SLC45A4: variants seen among roughly 807,000 people sequenced by gnomAD.
SLC45A4 encodes polyamine-transporter SLC45A4.
A neutral mutation model predicts 63.7 loss-of-function variants in SLC45A4; 32 were observed. The observed-to-expected ratio is 0.50, with a 90% CI of 0.38 to 0.67. The LOEUF is 0.67. Among genes scored for constraint, SLC45A4 ranks in the 30% least tolerant of loss-of-function variants. The pLI, the probability that SLC45A4 is intolerant of heterozygous loss-of-function variation, is 0.00. For missense variants in SLC45A4, 1,027 were observed against 1,157.7 expected, an observed-to-expected ratio of 0.89 and a Z score of 1.64; for synonymous variants, 535 against 510.0, an observed-to-expected ratio of 1.05 and a Z score of -0.66.
At position 141,218,329 on chromosome 8, in the gene SLC45A4, G is replaced by A; in HGVS notation, c.1311C>T (p.Cys437=). Residue 437 remains cysteine (C), a synonymous_variant, in exon 5 of 9, where the codon TGC becomes TGT. Coordinates refer to ENST00000517878, the MANE Select transcript of SLC45A4 (RefSeq NM_001286646.2). The stretch of plus-strand genomic sequence containing the variant: ...CGGCGTTGGCGCGCCGGTAGCGGTA[G>A]CAGTGGGACCCAAGCTTGCCGTAGT... ...FSYYGKLGSH[C]YRYRRANAVV... 1 of 1,607,896 alleles carries A rather than the reference G, an allele frequency of 6.2e-7. No individual in the cohort carries two copies.
Position 141,256,510 on chromosome 8 carries a change from G to A in SLC45A4, c.-400-1881C>T. 2.2e-6 allele frequency: 1 copy of A among 456,202 alleles called. No individual in the cohort carries two copies. Among genetic ancestry groups the A allele is most frequent in the South Asian group, 1.5e-5 (1 of 64,568 alleles). The allele number at this position is 456,202 out of a possible 1,614,324, so 28.3% of individuals were successfully genotyped here. A position where few individuals can be genotyped will look rare whatever the true frequency, so the allele number is the denominator to read the frequency against. ...CTCACACAGCCCTGATGGAGAAGGT[G>A]GGTCCCTGGCACGTGGGCCCCAGGA... On this transcript the variant is annotated intron_variant, in intron 1 of 8. Coordinates refer to ENST00000517878, the MANE Select transcript of SLC45A4 (RefSeq NM_001286646.2). This position sits in a 1 kb window ranked among gnomAD's most constrained non-coding sequence, Gnocchi z 4.3.
Position 141,243,906 on chromosome 8 carries a change from A to G in SLC45A4, c.241+10083T>C, listed in dbSNP as rs141833089. Among the ~76,000 whole-genome samples, 11 of 152,308 alleles carry G rather than the reference A, an allele frequency of 7.2e-5. No homozygotes were observed. The East Asian group carries it at 1.9e-3, about 27-fold the overall frequency. ...ACTTTACTATAAACATATAATACATATAATATAGAAGGTATGTGTCAACTG... is the reference window on the plus strand; with the variant it reads ...ACTTTACTATAAACATATAATACATGTAATATAGAAGGTATGTGTCAACTG... On this transcript the variant is annotated intron_variant, in intron 2 of 8. Transcript: ENST00000517878.
intron 1 of SLC45A4, among the ~76,000 whole-genome samples, chr8:141,262,902 G>A (rs1829096759): frequency 6.6e-6 from 1 of 151,146 alleles, no homozygotes; most frequent in African/African-American, 2.4e-5. Flanking sequence ...CTGCTATAAA[G>A]ACACATGCAC....
At chr8:141,276,183 T>C (rs1345929742) in intron 1 of SLC45A4, among the ~76,000 whole-genome samples, 2 of 152,304 alleles carry the variant, frequency 1.3e-5, no homozygotes, top group African/African-American at 4.8e-5. Flanking sequence ...ATTACAAGTG[T>C]GAGCCACCTT....
chr8:141,257,093 C>T lies in SLC45A4; in HGVS notation c.-400-2464G>A, dbSNP rs6983642. Among the ~76,000 whole-genome samples the T allele has an allele frequency of 3.5e-3, 531 of 152,290 alleles. 7 individuals are homozygous for T. Among genetic ancestry groups the T allele is most frequent in the African/African-American group, 0.012 (506 of 41,568 alleles). Reference sequence around the variant, plus strand: ...GGTCTTGATCTCCTGACCTCATGATCCACCTGCTTCGGCCTCCCAAAGTGC... The same window carrying T: ...GGTCTTGATCTCCTGACCTCATGATTCACCTGCTTCGGCCTCCCAAAGTGC... On this transcript the variant is annotated intron_variant, in intron 1 of 8. Coordinates refer to ENST00000517878, the MANE Select transcript of SLC45A4 (RefSeq NM_001286646.2).
intron 1 of SLC45A4, among the ~76,000 whole-genome samples, chr8:141,297,320 G>A (rs1013353774): frequency 3.3e-5 from 5 of 152,270 alleles, no homozygotes; most frequent in Middle Eastern, 3.4e-3. Flanking sequence ...GGATGCTGGC[G>A]GGGGAGGTAG....
intron 2 of SLC45A4, among the ~76,000 whole-genome samples, chr8:141,244,960 G>C (rs961665900): frequency 8.0e-6 from 1 of 125,462 alleles, no homozygotes; most frequent in Admixed American, 7.8e-5. Context: ...ACGTGGGTGG[G>C]GGGGGGGGGC....
At chr8:141,253,881 G>A (rs1486219627) in intron 2 of SLC45A4, 108 bp downstream of exon 2, 21 of 1,461,568 alleles carry the variant, frequency 1.4e-5, no homozygotes, top group Non-Finnish European at 1.9e-5. Flanking sequence ...TCCAGTGCCC[G>A]GGGCTCTCCA....
At chr8:141,233,377 TG>T (rs1827464649) in intron 2 of SLC45A4, among the ~76,000 whole-genome samples, 1 of 152,180 alleles carries the variant, frequency 6.6e-6, no homozygotes, top group African/African-American at 2.4e-5. Flanking sequence ...ATAAAGATCT[TG>T]GGTATTTAAA....
chr8:141,303,530 C>G (rs185761520), intron 1 of SLC45A4, among the ~76,000 whole-genome samples: 37 of 152,180 alleles, frequency 2.4e-4, no homozygotes, highest in African/African-American at 6.3e-4. Flanking sequence ...GTTGATCCCT[C>G]TTTATTATCT....
chr8:141,254,203 G>A lies in SLC45A4; in HGVS notation c.27C>T (p.Asp9=). Residue 9 remains aspartate, a synonymous_variant, in exon 2 of 9, where the codon GAC becomes GAT. Transcript: ENST00000517878. The surrounding 1 kb of genome is among the most constrained non-coding windows in gnomAD (Gnocchi z 4.5). ...ACTCTTGAACTTGCATAGATTCCGGGTCGGCATTCTGCGGAGCCATTTTCA... is the reference window on the plus strand; with the variant it reads ...ACTCTTGAACTTGCATAGATTCCGGATCGGCATTCTGCGGAGCCATTTTCA... MKMAPQNA[D]PESMQVQELS... is the part of the protein sequence containing the mutation. 1.3e-6 allele frequency: 2 copies of A among 1,535,028 alleles called. No individual in the cohort carries two copies. Among genetic ancestry groups the A allele is most frequent in the South Asian group, 2.4e-5 (2 of 84,056 alleles).
chr8:141,302,763 C>A (rs937977257), intron 1 of SLC45A4, among the ~76,000 whole-genome samples: 1 of 152,192 alleles, frequency 6.6e-6, no homozygotes, highest in African/African-American at 2.4e-5. Flanking sequence ...CTCAGGCAGT[C>A]CCCCTCGCCT....
intron 1 of SLC45A4, among the ~76,000 whole-genome samples, chr8:141,304,942 G>A (rs1226443559): frequency 6.6e-6 from 1 of 152,280 alleles, no homozygotes; most frequent in African/African-American, 2.4e-5. Flanking sequence ...TAAACACTAT[G>A]CTGTTTCTCC....
In SLC45A4 at chr8:141,286,307, C is replaced by A. The variant is rs531655128; in HGVS notation, c.-401+21789G>T. Among the ~76,000 whole-genome samples the A allele has an allele frequency of 6.2e-4, 94 of 152,284 alleles. 2 individuals are homozygous for A. Among genetic ancestry groups the A allele is most frequent in the Admixed American group, 2.7e-3 (41 of 15,302 alleles). On this transcript the variant is annotated intron_variant, in intron 1 of 8. Coordinates refer to ENST00000517878, the MANE Select transcript of SLC45A4 (RefSeq NM_001286646.2). ...GGTTTACTGCATGTTCAGAAAAGGC[C>A]TCCACCCTCACCACCCTGCGTGAGA...
rs1316549778 is a variant in SLC45A4 at position 141,218,127 on chromosome 8, G to A, written c.1513C>T (p.Pro505Ser). The A allele has an allele frequency of 6.2e-7, 1 of 1,611,614 alleles. No individual in the cohort carries two copies. Among genetic ancestry groups the A allele is most frequent in the South Asian group, 1.1e-5 (1 of 91,074 alleles). Residue 505 changes from proline to serine, a missense_variant, in exon 5 of 9, where the codon CCC becomes TCC. Transcript: ENST00000517878. ...RLLWLSMLKM[P>S]RELMRLCLCH... ...AGGCACAGCCGCATCAGCTCCCTGG[G>A]CATCTTCAGCATGGAGAGCCACAGC... is the stretch of plus-strand genomic sequence containing the variant.
intron 1 of SLC45A4, among the ~76,000 whole-genome samples, chr8:141,279,306 G>T (rs1463039090): frequency 6.6e-6 from 1 of 152,252 alleles, no homozygotes; most frequent in African/African-American, 2.4e-5. Flanking sequence ...CTGGAGGGGA[G>T]CCAGGACAAG....
chr8:141,217,008 A>G lies in SLC45A4; in HGVS notation c.1729+82T>C. The G allele has an allele frequency of 5.0e-6, 7 of 1,402,394 alleles. No homozygotes were observed. In the South Asian group the frequency reaches 7.1e-5, roughly 14 times the overall value. The allele number at this position is 1,402,394 out of a possible 1,614,324, so 86.9% of individuals were successfully genotyped here. A position where few individuals can be genotyped will look rare whatever the true frequency, so the allele number is the denominator to read the frequency against. On this transcript the variant is annotated intron_variant, in intron 6 of 8. Coordinates refer to ENST00000517878, the MANE Select transcript of SLC45A4 (RefSeq NM_001286646.2). ...GTGCGACTGATGGCCCCAGCTTCTA[A>G]GGTGCAGGATTCTCTCGTCTGCATT...
At chr8:141,235,800 A>G (rs544596388) in intron 2 of SLC45A4, among the ~76,000 whole-genome samples, 2 of 152,354 alleles carry the variant, frequency 1.3e-5, no homozygotes, top group Non-Finnish European at 2.9e-5. Flanking sequence ...CTGGACTGAA[A>G]TGTACGAAAC....
At position 141,218,616 on chromosome 8, in the gene SLC45A4, C is replaced by G; in HGVS notation, c.1024G>C (p.Ala342Pro). 1 of 1,613,234 alleles carries G rather than the reference C, an allele frequency of 6.2e-7. No homozygotes were observed. The highest frequency in any genetic ancestry group is 2.2e-5 in the East Asian group (1 of 44,862). ...PSIFHDASYPATPRSTSQELA... is the reference protein window; with the variant it reads ...PSIFHDASYPPTPRSTSQELA... Reference sequence around the variant, plus strand: ...TCCTGGCTGGTGCTGCGGGGGGTGGCGGGGTAGGAGGCGTCGTGGAAGATG... The same window carrying G: ...TCCTGGCTGGTGCTGCGGGGGGTGGGGGGGTAGGAGGCGTCGTGGAAGATG... Residue 342 changes from alanine to proline, a missense_variant, in exon 5 of 9, where the codon GCC becomes CCC. Physicochemically the swap from Ala to Pro is conservative, Grantham distance 27. Coordinates refer to ENST00000517878, the MANE Select transcript of SLC45A4 (RefSeq NM_001286646.2).
Sources: allele counts gnomAD v4.1 joint callset (sites outside exome capture counted in the v4.1 genomes callset), GRCh38; gene constraint gnomAD v4.1.1; non-coding constraint Gnocchi (gnomAD v3.1); transcripts MANE v1.5; gene names NCBI Gene and HGNC (gene_info 2026-07-23, HGNC 2026-07-21).